FBXO6: variants seen among roughly 807,000 people sequenced by gnomAD.
FBXO6 encodes F-box only protein 6.
Under a neutral mutation model 25.0 loss-of-function variants are expected in FBXO6, and 13 were observed. The ratio of observed to expected loss-of-function variants is 0.52; its 90% CI spans 0.34 to 0.83. FBXO6 has a LOEUF of 0.83. Ranked by LOEUF, FBXO6 falls within the 40% of genes least tolerant of loss-of-function variation. The pLI is 0.02. For synonymous variants in FBXO6, 138 were observed against 155.3 expected (o/e 0.89, Z 0.83); for missense variants, 370 against 380.2 (o/e 0.97, Z 0.22).
In FBXO6 at chr1:11,674,176, C is replaced by T. The variant is rs970393538; in HGVS notation, c.*325C>T. On this transcript the variant is annotated 3_prime_UTR_variant, in exon 6 of 6. Coordinates refer to ENST00000376753, the MANE Select transcript of FBXO6 (RefSeq NM_018438.6). The surrounding 1 kb of genome is among the most constrained non-coding windows in gnomAD (Gnocchi z 6.1). ...AAAATTAGCCGGGCGTGGTGGCGGG[C>T]GCCTGTAGTCCCAGCTACTCGGGAG... is the stretch of plus-strand genomic sequence containing the variant. The T allele has an allele frequency of 2.4e-5, 7 of 297,596 alleles. No individual in the cohort carries two copies. The highest frequency in any genetic ancestry group is 2.7e-5 in the Non-Finnish European group (4 of 150,628). 18.4% of individuals were successfully genotyped at this position (297,596 alleles called of 1,614,324 possible). A position where few individuals can be genotyped will look rare whatever the true frequency, so the allele number is the denominator to read the frequency against.
rs377413105 is a variant in FBXO6, at chr1:11,673,240, G to T, written c.510-37G>T. ...GCCCCCACCCCTGGGGCCAGCCCTC[G>T]GTGGCTTGGACACAGGGCTCTCAAC... On this transcript the variant is annotated intron_variant, in intron 4 of 5. Coordinates refer to ENST00000376753, the MANE Select transcript of FBXO6 (RefSeq NM_018438.6). This position sits in a 1 kb window ranked among gnomAD's most constrained non-coding sequence, Gnocchi z 4.3. The T allele has an allele frequency of 6.3e-7, 1 of 1,588,374 alleles. No homozygotes were observed. Among genetic ancestry groups the T allele is most frequent in the Admixed American group, 1.7e-5 (1 of 57,904 alleles).
chr1:11,668,990 T>C (rs1267515739), intron 2 of FBXO6, 46 bp downstream of exon 2: 2 of 1,600,626 alleles, frequency 1.2e-6, no homozygotes, highest in Admixed American at 3.4e-5. Flanking sequence ...TCGTTCCTTC[T>C]CATCCTTGGG....
In FBXO6 at chr1:11,668,667, T is replaced by A. The variant is rs779599264; in HGVS notation, c.9T>A (p.Ala3=). ...TGTTGCCCCCACAGGCCATGGATGC[T>A]CCCCACTCCAAAGCAGCCCTGGACA... MD[A]PHSKAALDSI... Residue 3 remains alanine, a synonymous_variant, in exon 2 of 6, where the codon GCT becomes GCA. Transcript: ENST00000376753. The A allele has an allele frequency of 3.7e-6, 6 of 1,610,344 alleles. No homozygotes were observed. In the South Asian group the frequency reaches 6.6e-5, roughly 18 times the overall value.
rs1007639453 is a variant in FBXO6 at position 11,671,272 on chromosome 1, T to C, written c.293T>C (p.Met98Thr). The part of the protein sequence containing the change: ...LLRNPCAEED[M>T]FAWQIDFNGG... ...TGGCTTCTGTTCTTCCTAGAGGATA[T>C]GTTTGCATGGCAAATTGATTTCAAT... Residue 98 changes from methionine (M) to threonine (T), a missense_variant, in exon 3 of 6, where the codon ATG (methionine) becomes ACG (threonine). Coordinates refer to ENST00000376753, the MANE Select transcript of FBXO6 (RefSeq NM_018438.6). The C allele has an allele frequency of 5.0e-6, 8 of 1,613,816 alleles. No individual in the cohort carries two copies. The African/African-American group carries it at 1.1e-4, about 22-fold the overall frequency.
chr1:11,668,679 A>T lies in FBXO6; in HGVS notation c.21A>T (p.Lys7Asn). MDAPHS[K>N]AALDSINELP... ...AGGCCATGGATGCTCCCCACTCCAA[A>T]GCAGCCCTGGACAGCATTAACGAGC... The change falls in exon 2 of 6, where the codon AAA (lysine) becomes AAT (asparagine). Residue 7 changes from lysine (K) to asparagine (N), a missense_variant. Lys to Asn is a moderately conservative substitution (Grantham distance 94, BLOSUM62 0). Transcript: ENST00000376753. 1 of 1,612,670 alleles carries T rather than the reference A, an allele frequency of 6.2e-7. No homozygotes were observed. The highest frequency in any genetic ancestry group is 8.5e-7 in the Non-Finnish European group (1 of 1,178,870).
chr1:11,668,509 G>A (rs1330351911), intron 1 of FBXO6, 147 bp from the exon 2 acceptor site: 1 of 998,730 alleles, frequency 1.0e-6, no homozygotes, highest in East Asian at 2.6e-5. Context: ...GGGATCCTCT[G>A]CCTCAGCCTC....
At chr1:11,667,028 TCA>T (rs1188544508) in intron 1 of FBXO6, among the ~76,000 whole-genome samples, 2 of 151,924 alleles carry the variant, frequency 1.3e-5, no homozygotes, top group East Asian at 1.9e-4. Flanking sequence ...GCACCTGTAA[TCA>T]CAGTTACTTG....
In FBXO6 at chr1:11,671,153, CAAG is replaced by C. The variant is rs1175827095; in HGVS notation, c.287-109_287-107del. ...CTGAGCATGAGCAAGTCCTGCCTCCCAAGAAGGTCACTAACGCCAACCACCCTC... is the reference window on the plus strand; with the variant it reads ...CTGAGCATGAGCAAGTCCTGCCTCCCAAGGTCACTAACGCCAACCACCCTC... On this transcript the variant is annotated intron_variant, in intron 2 of 5. Coordinates refer to ENST00000376753, the MANE Select transcript of FBXO6 (RefSeq NM_018438.6). 2.1e-5 allele frequency: 29 copies of C among 1,369,300 alleles called. No homozygotes were observed. The East Asian group carries it at 2.6e-4, about 12-fold the overall frequency. 84.8% of individuals were successfully genotyped at this position (1,369,300 alleles called of 1,614,324 possible).
chr1:11,673,843 A>G lies in FBXO6; in HGVS notation c.874A>G (p.Ile292Val). Residue 292 changes from isoleucine to valine, a missense_variant, in exon 6 of 6, where the codon ATT (isoleucine) becomes GTT (valine). Transcript: ENST00000376753. The surrounding 1 kb of genome is among the most constrained non-coding windows in gnomAD (Gnocchi z 4.3). ...ATCGCCCTACCGAGCTGTTGTCCAG[A>G]TTTTCTGACAGCTGTCCATCCTGTG... ...AQSPYRAVVQ[I>V]F 6.2e-7 allele frequency: 1 copy of G among 1,613,756 alleles called. No homozygotes were observed. The highest frequency in any genetic ancestry group is 8.5e-7 in the Non-Finnish European group (1 of 1,179,886).
chr1:11,668,839 G>C lies in FBXO6; in HGVS notation c.181G>C (p.Glu61Gln). The C allele has an allele frequency of 6.2e-7, 1 of 1,614,178 alleles. No homozygotes were observed. The highest frequency in any genetic ancestry group is 8.5e-7 in the Non-Finnish European group (1 of 1,180,042). ...MTLWKRKCLREGFITKDWDQP... is the reference protein window; with the variant it reads ...MTLWKRKCLRQGFITKDWDQP... ...CCTCTGGAAACGCAAGTGCCTGCGA[G>C]AGGGCTTCATCACCAAGGACTGGGA... Residue 61 changes from glutamate to glutamine, a missense_variant, in exon 2 of 6, where the codon GAG becomes CAG. Physicochemically the swap from Glu to Gln is conservative, Grantham distance 29. Transcript: ENST00000376753.
At chr1:11,666,177 G>A (rs563948505) in intron 1 of FBXO6, among the ~76,000 whole-genome samples, 81 of 150,700 alleles carry the variant, frequency 5.4e-4, no homozygotes, top group Non-Finnish European at 1.0e-3. Context: ...TGGACTGTAA[G>A]GTAGAAAAAT....
At chr1:11,672,721 C>T (rs569315151) in intron 4 of FBXO6, among the ~76,000 whole-genome samples, 2 of 152,364 alleles carry the variant, frequency 1.3e-5, no homozygotes, top group African/African-American at 4.8e-5. Context: ...CTTTTTGGAG[C>T]TCCTACTCTG....
Position 11,668,749 on chromosome 1 carries a change from C to A in FBXO6, c.91C>A (p.Arg31Ser), listed in dbSNP as rs561292765. Residue 31 changes from arginine (R) to serine (S), a missense_variant, in exon 2 of 6, where the codon CGC becomes AGC. By Grantham distance (110) the Arg-to-Ser change is moderately radical (BLOSUM62 -1). Coordinates refer to ENST00000376753, the MANE Select transcript of FBXO6 (RefSeq NM_018438.6). ...GGAGCTGTTCACGCACGTGCCCGCC[C>A]GCCAGCTGCTGCTGAACTGCCGCCT... ...LLELFTHVPA[R>S]QLLLNCRLVC... 6.2e-7 allele frequency: 1 copy of A among 1,614,016 alleles called. No individual in the cohort carries two copies.
At chr1:11,665,386 G>T (rs1480694386) in intron 1 of FBXO6, among the ~76,000 whole-genome samples, 1 of 148,162 alleles carries the variant, frequency 6.7e-6, no homozygotes, top group African/African-American at 2.5e-5. Context: ...TTCTCGAGTA[G>T]CTGGGACTAC....
At chr1:11,669,523 T>A (rs1447431029) in intron 2 of FBXO6, among the ~76,000 whole-genome samples, 1 of 151,124 alleles carries the variant, frequency 6.6e-6, no homozygotes, top group Non-Finnish European at 1.5e-5. Flanking sequence ...TGCTACAAAC[T>A]TCAAGCTCCA....
In FBXO6 at chr1:11,673,156, C is replaced by A. The variant is rs1389713979; in HGVS notation, c.510-121C>A. On this transcript the variant is annotated intron_variant, in intron 4 of 5. Coordinates refer to ENST00000376753, the MANE Select transcript of FBXO6 (RefSeq NM_018438.6). This position sits in a 1 kb window ranked among gnomAD's most constrained non-coding sequence, Gnocchi z 4.3. Reference sequence around the variant, plus strand: ...GCTGAAGCCAGCTGGGCCTTGCAGGCAGAGCAGTGTCAGCTGATGGGAGAT... The same window carrying A: ...GCTGAAGCCAGCTGGGCCTTGCAGGAAGAGCAGTGTCAGCTGATGGGAGAT... 3 of 1,274,766 alleles carry A rather than the reference C, an allele frequency of 2.4e-6. No homozygotes were observed. Among genetic ancestry groups the A allele is most frequent in the African/African-American group, 3.0e-5 (2 of 66,588 alleles). 79.0% of individuals were successfully genotyped at this position (1,274,766 alleles called of 1,614,324 possible).
chr1:11,671,579 GT>G (rs1196287578), intron 3 of FBXO6, among the ~76,000 whole-genome samples, 187 bp downstream of exon 3: 1 of 152,198 alleles, frequency 6.6e-6, no homozygotes, highest in Non-Finnish European at 1.5e-5. Context: ...GACAGTGGGG[GT>G]GGGGATCACT....
Position 11,671,883 on chromosome 1 carries a change from T to C in FBXO6, c.414-45T>C, listed in dbSNP as rs779866019. 7.2e-6 allele frequency: 11 copies of C among 1,531,700 alleles called. No individual in the cohort carries two copies. The East Asian group carries it at 1.4e-4, about 19-fold the overall frequency. 94.9% of individuals were successfully genotyped at this position (1,531,700 alleles called of 1,614,324 possible). On this transcript the variant is annotated intron_variant, in intron 3 of 5. Coordinates refer to ENST00000376753, the MANE Select transcript of FBXO6 (RefSeq NM_018438.6). ...AAGGCCTGGGTGAGGGGGGGGGCCA[T>C]GCAGAGCACACCCAGGTATGCAAGC... is the stretch of plus-strand genomic sequence containing the variant.
In FBXO6 at chr1:11,668,753, A is replaced by T; in HGVS notation, c.95A>T (p.Gln32Leu). 5 of 1,613,878 alleles carry T rather than the reference A, an allele frequency of 3.1e-6. No individual in the cohort carries two copies. Among genetic ancestry groups the T allele is most frequent in the Non-Finnish European group, 4.2e-6 (5 of 1,179,966 alleles). The change falls in exon 2 of 6, where the codon CAG (glutamine) becomes CTG (leucine). Residue 32 changes from glutamine to leucine, a missense_variant. Physicochemically the swap from Gln to Leu is moderately radical, Grantham distance 113. Transcript: ENST00000376753. Reference protein sequence around the residue: ...LELFTHVPARQLLLNCRLVCS... With the variant: ...LELFTHVPARLLLLNCRLVCS... ...CTGTTCACGCACGTGCCCGCCCGCC[A>T]GCTGCTGCTGAACTGCCGCCTGGTC... is the stretch of plus-strand genomic sequence containing the variant.
Sources: gnomAD v4.1 joint callset for allele counts (sites outside exome capture counted in the v4.1 genomes callset) on GRCh38, gnomAD v4.1.1 for gene constraint, Gnocchi (gnomAD v3.1) non-coding constraint, MANE v1.5 for transcripts, NCBI Gene and HGNC (gene_info 2026-07-23, HGNC 2026-07-21) for gene names.